The following PATL2 variants were observed in gnomAD, a reference collection of about 807,000 sequenced individuals.
PATL2 encodes protein PAT1 homolog 2.
PATL2 carries 73 observed loss-of-function variants against 77.0 expected under a neutral mutation model. That is an observed-to-expected ratio of 0.95 (90% CI 0.78 to 1.15). The LOEUF (loss-of-function observed/expected upper bound fraction) is 1.15, where lower values mean the gene tolerates loss of function less well. PATL2 is among the 50% of genes most tolerant of loss of function. PATL2 has a pLI of 0.00. For missense variants in PATL2, 618 were observed against 655.4 expected, an observed-to-expected ratio of 0.94 and a Z score of 0.62; for synonymous variants, 265 against 257.1, an observed-to-expected ratio of 1.03 and a Z score of -0.29.
chr15:44,681,377 T>A (rs977465031), intron 3 of PATL2, among the ~76,000 whole-genome samples: 1 of 152,186 alleles, frequency 6.6e-6, no homozygotes, highest in African/African-American at 2.4e-5. Flanking sequence ...AGCTGACATC[T>A]CTACAGCATT....
intron 3 of PATL2, among the ~76,000 whole-genome samples, chr15:44,685,411 A>C (rs1409909930): frequency 6.6e-6 from 1 of 152,214 alleles, no homozygotes; most frequent in Non-Finnish European, 1.5e-5. Flanking sequence ...GATTGAGACC[A>C]TCCTGGCCAA....
chr15:44,683,580 G>A (rs1021352987), intron 3 of PATL2, among the ~76,000 whole-genome samples: 3 of 152,234 alleles, frequency 2.0e-5, no homozygotes, highest in Non-Finnish European at 2.9e-5. Context: ...AAGAAAGGCA[G>A]TAGCCCCAGT....
chr15:44,680,054 G>A (rs879296187), intron 3 of PATL2, among the ~76,000 whole-genome samples: 8 of 152,144 alleles, frequency 5.3e-5, no homozygotes, highest in Non-Finnish European at 8.8e-5. Context: ...TCTGGGATCT[G>A]CTCCCTCCTC....
At chr15:44,693,942 A>G (rs1053585070) in intron 3 of PATL2, among the ~76,000 whole-genome samples, 1 of 152,016 alleles carries the variant, frequency 6.6e-6, no homozygotes, top group African/African-American at 2.4e-5. Context: ...ACCTCAGGTG[A>G]TCTGCCAGCC....
At chr15:44,696,096 T>G (rs183360570) in intron 3 of PATL2, among the ~76,000 whole-genome samples, 28 of 152,344 alleles carry the variant, frequency 1.8e-4, no homozygotes, top group East Asian at 1.7e-3. Context: ...TTTTTAATAG[T>G]GCTGCACGGA....
Position 44,675,710 on chromosome 15 carries a change from C to A in PATL2, c.17-19G>T. 1 of 1,533,578 alleles carries A rather than the reference C, an allele frequency of 6.5e-7. No homozygotes were observed. The highest frequency in any genetic ancestry group is 1.2e-5 in the South Asian group (1 of 80,820). 95.0% of individuals were successfully genotyped at this position (1,533,578 alleles called of 1,614,324 possible). ...CCTGGCCCTTGGTTTAAGTGTGGGC[C>A]AGAGGAGAAGGTAAGATGGGGCTCA... On this transcript the variant is annotated intron_variant, in intron 4 of 17. Transcript: ENST00000682850.
At chr15:44,666,871 G>A in intron 16 of PATL2, 1 of 513,528 alleles carries the variant, frequency 1.9e-6, no homozygotes, top group Non-Finnish European at 3.4e-6. Flanking sequence ...TCAAACGTAG[G>A]TCTTTTTAAA....
At position 44,673,320 on chromosome 15, in the gene PATL2, G is replaced by C. The variant is rs1330430418; in HGVS notation, c.361C>G (p.Pro121Ala). 14 of 1,551,608 alleles carry C rather than the reference G, an allele frequency of 9.0e-6. No homozygotes were observed. Among genetic ancestry groups the C allele is most frequent in the Non-Finnish European group, 1.7e-6 (2 of 1,146,994 alleles). Residue 121 changes from proline to alanine, a missense_variant, in exon 7 of 18, where the codon CCA (proline) becomes GCA (alanine). Transcript: ENST00000682850. ...AGCCGAGGTCCAAAGTGCTGTGCTG[G>C]AGAGCTGGTGCTGGGAAATGTAGGC... ...FWPTFPSTSS[P>A]AQHFGPRLPS...
At chr15:44,680,574 C>A (rs1032122262) in intron 3 of PATL2, among the ~76,000 whole-genome samples, 8 of 152,306 alleles carry the variant, frequency 5.3e-5, no homozygotes, top group African/African-American at 1.7e-4. Context: ...CCACTTTTCT[C>A]TGTGTCTTGA....
chr15:44,669,737 A>C, intron 11 of PATL2, 40 bp downstream of exon 11: 1 of 1,545,150 alleles, frequency 6.5e-7, no homozygotes, highest in Non-Finnish European at 8.8e-7. Context: ...CCCTTCTTCC[A>C]AAGGGGAGAG....
chr15:44,667,319 A>T, intron 15 of PATL2, 116 bp from the exon 16 acceptor site: 1 of 746,776 alleles, frequency 1.3e-6, no homozygotes, highest in Non-Finnish European at 2.2e-6. Context: ...GATAGAGCTC[A>T]AAATATCCAC....
rs1461515287 is a variant in PATL2 at position 44,667,137 on chromosome 15, G to A, written c.1432C>T (p.Leu478=). Residue 478 remains leucine, a synonymous_variant, in exon 16 of 18, where the codon CTA becomes TTA. Coordinates refer to ENST00000682850, the MANE Select transcript of PATL2 (RefSeq NM_001387263.1). ...GTATGGTCACTGTTGGGTTCCTCTA[G>A]GGAAGAATGCAGCGATACCAGTTGC... is the stretch of plus-strand genomic sequence containing the variant. The part of the protein sequence containing the change: ...GEQLVSLHSS[L]EEPNSDHTAW... 1 of 1,551,622 alleles carries A rather than the reference G, an allele frequency of 6.4e-7. No homozygotes were observed. Among genetic ancestry groups the A allele is most frequent in the Admixed American group, 2.0e-5 (1 of 50,992 alleles).
chr15:44,707,771 T>C (rs1005742683), intron 3 of PATL2, among the ~76,000 whole-genome samples: 1 of 152,330 alleles, frequency 6.6e-6, no homozygotes, highest in Admixed American at 6.5e-5. Context: ...CCACATTCAC[T>C]GGCTCTGAGC....
chr15:44,703,722 G>GTTTTT (rs2086676185), intron 3 of PATL2, among the ~76,000 whole-genome samples: 1 of 25,504 alleles, frequency 3.9e-5, no homozygotes, highest in African/African-American at 1.8e-4. Flanking sequence ...ACCGGGTCTT[G>GTTTTT]CTTTTTTTTT....
chr15:44,691,030 T>A (rs1399583670), intron 3 of PATL2, among the ~76,000 whole-genome samples: 2 of 151,446 alleles, frequency 1.3e-5, no homozygotes, highest in African/African-American at 4.8e-5. Flanking sequence ...AATAATAATT[T>A]AAATTTATAT....
In PATL2 at chr15:44,672,380, G is replaced by A. The variant is rs2085731789; in HGVS notation, c.515+8C>T. On this transcript the variant is annotated splice_region_variant and intron_variant, in intron 8 of 17. Coordinates refer to ENST00000682850, the MANE Select transcript of PATL2 (RefSeq NM_001387263.1). ...TCCCCTCAACCCTGCTCCTGGTCTGGGCTTTACCTTGGTGTTTGACTATGC... is the reference window on the plus strand; with the variant it reads ...TCCCCTCAACCCTGCTCCTGGTCTGAGCTTTACCTTGGTGTTTGACTATGC... 2 of 1,551,546 alleles carry A rather than the reference G, an allele frequency of 1.3e-6. No homozygotes were observed. Among genetic ancestry groups the A allele is most frequent in the South Asian group, 2.4e-5 (2 of 84,048 alleles).
intron 3 of PATL2, among the ~76,000 whole-genome samples, chr15:44,686,721 A>T (rs973072404): frequency 2.0e-5 from 3 of 152,200 alleles, no homozygotes. Context: ...GATAAAGGGG[A>T]TATCACCACT....
chr15:44,680,712 A>T (rs567973319), intron 3 of PATL2, among the ~76,000 whole-genome samples: 12 of 152,204 alleles, frequency 7.9e-5, no homozygotes, highest in African/African-American at 1.9e-4. Flanking sequence ...GGTCTCTCCT[A>T]CCTAACAAAC....
rs1223994452 is a variant in PATL2, at chr15:44,668,440, G to A, written c.1267C>T (p.His423Tyr). 7 of 1,551,360 alleles carry A rather than the reference G, an allele frequency of 4.5e-6. No individual in the cohort carries two copies. The highest frequency in any genetic ancestry group is 6.1e-6 in the Non-Finnish European group (7 of 1,146,954). ...TGGAGGAGTTCGTGGAGGGTCAAGT[G>A]ACTAATACATTTGCCCAGAGGTTTG... ...LFKPLGKCIS[H>Y]LTLHELLQGL... The change falls in exon 15 of 18, where the codon CAC becomes TAC. Residue 423 changes from histidine to tyrosine, a missense_variant. Transcript: ENST00000682850.
Sources: gnomAD v4.1 joint callset for allele counts (sites outside exome capture counted in the v4.1 genomes callset) on GRCh38, gnomAD v4.1.1 for gene constraint, MANE v1.5 for transcripts, NCBI Gene and HGNC (gene_info 2026-07-23, HGNC 2026-07-21) for gene names.